The following SMC5 variants were observed in gnomAD, a reference collection of about 807,000 sequenced individuals.
SMC5 encodes the protein structural maintenance of chromosomes 5.
In SMC5, 88 loss-of-function variants were observed where a neutral mutation model predicts 148.3. The observed-to-expected ratio is 0.59, with a 90% CI of 0.50 to 0.71. The LOEUF (loss-of-function observed/expected upper bound fraction) is 0.71. Ranked by LOEUF, SMC5 falls within the 30% of genes least tolerant of loss-of-function variation. SMC5 has a pLI of 0.00. For synonymous variants in SMC5, 421 were observed against 432.8 expected, an observed-to-expected ratio of 0.97 and a Z score of 0.34; for missense variants, 1,142 against 1,298.9, an observed-to-expected ratio of 0.88 and a Z score of 1.86.
intron 17 of SMC5, among the ~76,000 whole-genome samples, chr9:70,334,060 A>C (rs2118736765): frequency 6.6e-6 from 1 of 152,176 alleles, no homozygotes; most frequent in Non-Finnish European, 1.5e-5. Context: ...GTATAAAAGT[A>C]GATATATATG....
At chr9:70,348,093 C>T in intron 22 of SMC5, 55 bp downstream of exon 22, 1 of 1,316,970 alleles carries the variant, frequency 7.6e-7, no homozygotes, top group Non-Finnish European at 1.0e-6. Context: ...TAATTATATG[C>T]TTAAAGTACA....
At chr9:70,286,564 C>G (rs1378807372) in intron 8 of SMC5, among the ~76,000 whole-genome samples, 2 of 152,016 alleles carry the variant, frequency 1.3e-5, no homozygotes, top group African/African-American at 4.8e-5. Flanking sequence ...AAACTAAGGT[C>G]TAAGGGATTT....
rs763432893 is a variant in SMC5, at chr9:70,323,535, G to A, written c.2203G>A (p.Ala735Thr). Reference protein sequence around the residue: ...TCNLEEEERKASTKIKEINVQ... With the variant: ...TCNLEEEERKTSTKIKEINVQ... ...CAATCTTGAAGAGGAAGAGCGAAAA[G>A]CAAGTACCAAAATCAAAGAAATAAA... is the stretch of plus-strand genomic sequence containing the variant. The change falls in exon 16 of 25, where the codon GCA becomes ACA. Residue 735 changes from alanine (A) to threonine (T), a missense_variant. Coordinates refer to ENST00000361138, the MANE Select transcript of SMC5 (RefSeq NM_015110.4). 2.5e-6 allele frequency: 4 copies of A among 1,612,352 alleles called. No individual in the cohort carries two copies. In the South Asian group the frequency reaches 4.4e-5, roughly 18 times the overall value.
chr9:70,347,750 T>C, intron 21 of SMC5, 33 bp downstream of exon 21: 1 of 1,348,358 alleles, frequency 7.4e-7, no homozygotes, highest in South Asian at 1.3e-5. Flanking sequence ...TTTTATCATG[T>C]GATTATTAAT....
chr9:70,346,636 C>G lies in SMC5; in HGVS notation c.2555C>G (p.Ser852Cys), dbSNP rs1452360647. 1 of 1,613,946 alleles carries G rather than the reference C, an allele frequency of 6.2e-7. No individual in the cohort carries two copies. The highest frequency in any genetic ancestry group is 8.5e-7 in the Non-Finnish European group (1 of 1,179,962). The change falls in exon 19 of 25, where the codon TCC becomes TGC. Residue 852 changes from serine to cysteine, a missense_variant. This residue lies in a region of SMC5 where 743 missense variants were observed against 835.7 expected (regional missense o/e 0.89). Coordinates refer to ENST00000361138, the MANE Select transcript of SMC5 (RefSeq NM_015110.4). ...CCCACCATTCCAAATGGACACAACT[C>G]CTCACTCCCCATGGTATGCAGTACT... is the stretch of plus-strand genomic sequence containing the variant. ...QVPTIPNGHN[S>C]SLPMVFQDLP...
chr9:70,315,564 G>T lies in SMC5; in HGVS notation c.1792G>T (p.Glu598Ter). 1 of 1,582,346 alleles carries T rather than the reference G, an allele frequency of 6.3e-7. No individual in the cohort carries two copies. The highest frequency in any genetic ancestry group is 1.2e-5 in the South Asian group (1 of 85,826). The change falls in exon 13 of 25, where the codon GAA becomes TAA. Residue 598 changes from glutamate (E) to a stop codon, truncating the protein, a stop_gained. Coordinates refer to ENST00000361138, the MANE Select transcript of SMC5 (RefSeq NM_015110.4). LOFTEE classifies it high-confidence loss of function. ...TCCTGTAGGAACTGAAAAGACCAGAGAAAGAATTGAACGGGTAGGAAAGTA... is the reference window on the plus strand; with the variant it reads ...TCCTGTAGGAACTGAAAAGACCAGATAAAGAATTGAACGGGTAGGAAAGTA... Reference protein sequence around the residue: ...EVPVGTEKTRERIERVIQETR... With the variant: ...EVPVGTEKTR
Position 70,350,552 on chromosome 9 carries a change from C to G in SMC5, c.3165+81C>G, listed in dbSNP as rs536768117. ...ATCATACAGTTTTTGTCCCAACATG[C>G]ACATATTAGCAGGAACACTCCCAAA... is the stretch of plus-strand genomic sequence containing the variant. On this transcript the variant is annotated intron_variant, in intron 24 of 24. Transcript: ENST00000361138. The G allele has an allele frequency of 7.0e-6, 6 of 859,094 alleles. No homozygotes were observed. The East Asian group carries it at 1.6e-4, about 23-fold the overall frequency. The allele number at this position is 859,094 out of a possible 1,614,324, so 53.2% of individuals were successfully genotyped here. A position where few individuals can be genotyped will look rare whatever the true frequency, so the allele number is the denominator to read the frequency against.
intron 15 of SMC5, among the ~76,000 whole-genome samples, chr9:70,323,068 G>A (rs1331466687): frequency 2.0e-5 from 3 of 151,964 alleles, no homozygotes; most frequent in African/African-American, 7.3e-5. Flanking sequence ...TTTTCTCTTC[G>A]AGGCAACATG....
At chr9:70,288,616 A>T (rs955133975) in intron 8 of SMC5, among the ~76,000 whole-genome samples, 1 of 151,946 alleles carries the variant, frequency 6.6e-6, no homozygotes, top group South Asian at 2.1e-4. Context: ...TTTGGGCATC[A>T]TTTGGCTACA....
chr9:70,352,519 TA>T lies in SMC5; in HGVS notation c.*190del, dbSNP rs1033387512. The T allele has an allele frequency of 3.7e-6, 2 of 537,218 alleles. No homozygotes were observed. Among genetic ancestry groups the T allele is most frequent in the African/African-American group, 3.8e-5 (2 of 52,938 alleles). 33.3% of individuals were successfully genotyped at this position (537,218 alleles called of 1,614,324 possible). A position where few individuals can be genotyped will look rare whatever the true frequency, so the allele number is the denominator to read the frequency against. On this transcript the variant is annotated 3_prime_UTR_variant, in exon 25 of 25. Transcript: ENST00000361138. The stretch of plus-strand genomic sequence containing the variant: ...CAAAATAGCAGCTGGTAGTAAAAGT[TA>T]AGTCTTCTTCAGTCTTGGTTGAACT...
intron 17 of SMC5, among the ~76,000 whole-genome samples, chr9:70,328,787 T>A (rs1267025811): frequency 6.6e-6 from 1 of 152,224 alleles, no homozygotes; most frequent in East Asian, 1.9e-4. Context: ...CATACTGCCC[T>A]AGTAGAGGTT....
Position 70,349,239 on chromosome 9 carries a change from G to T in SMC5, c.2890-875G>T, listed in dbSNP as rs556869354. On this transcript the variant is annotated intron_variant, in intron 22 of 24. Transcript: ENST00000361138. ...CTGCCACCATGCCCGGCTAATTTTT[G>T]TATTTTTAGTAGAGATGGGATTTCC... Among the ~76,000 whole-genome samples the T allele has an allele frequency of 3.9e-5, 6 of 152,076 alleles. No homozygotes were observed. The East Asian group carries it at 1.2e-3, about 29-fold the overall frequency.
At chr9:70,347,826 GACTGAT>G in intron 21 of SMC5, 87 bp from the exon 22 acceptor site, 1 of 1,314,642 alleles carries the variant, frequency 7.6e-7, no homozygotes, top group Admixed American at 2.4e-5. Flanking sequence ...GTTATGCCCA[GACTGAT>G]ACTGATATAA....
chr9:70,273,444 GT>G (rs982398912), intron 3 of SMC5, among the ~76,000 whole-genome samples: 2 of 151,534 alleles, frequency 1.3e-5, no homozygotes, highest in African/African-American at 4.8e-5. Context: ...AATTTTAGTA[GT>G]TTTTTTCAAT....
At chr9:70,305,214 T>G in intron 10 of SMC5, 33 bp from the exon 11 acceptor site, 2 of 995,092 alleles carry the variant, frequency 2.0e-6, no homozygotes, top group South Asian at 1.5e-5. Flanking sequence ...TTGGGTTTCA[T>G]GAAATTCGAC....
intron 17 of SMC5, among the ~76,000 whole-genome samples, chr9:70,334,493 T>C (rs2036307425): frequency 6.6e-6 from 1 of 152,168 alleles, no homozygotes; most frequent in Non-Finnish European, 1.5e-5. Context: ...ATATTTGCAG[T>C]ACACCTCAGA....
rs2036688003 is a variant in SMC5, at chr9:70,347,242, T to C, written c.2664+81T>C. 3.6e-6 allele frequency: 4 copies of C among 1,121,780 alleles called. No individual in the cohort carries two copies. The African/African-American group carries it at 6.2e-5, about 17-fold the overall frequency. The allele number at this position is 1,121,780 out of a possible 1,614,324, so 69.5% of individuals were successfully genotyped here. A position where few individuals can be genotyped will look rare whatever the true frequency, so the allele number is the denominator to read the frequency against. On this transcript the variant is annotated intron_variant, in intron 20 of 24. Coordinates refer to ENST00000361138, the MANE Select transcript of SMC5 (RefSeq NM_015110.4). ...ATACACACACATACACACACAGAGTTCCCTCCAGTACTTGCCTCCCACTCT... is the reference window on the plus strand; with the variant it reads ...ATACACACACATACACACACAGAGTCCCCTCCAGTACTTGCCTCCCACTCT...
intron 3 of SMC5, among the ~76,000 whole-genome samples, chr9:70,276,777 T>C (rs1432579109): frequency 6.6e-6 from 1 of 152,186 alleles, no homozygotes; most frequent in Non-Finnish European, 1.5e-5. Flanking sequence ...TGTTCCTTTA[T>C]ATCCATGTGA....
At chr9:70,286,381 A>C in intron 8 of SMC5, 110 bp downstream of exon 8, 1 of 667,668 alleles carries the variant, frequency 1.5e-6, no homozygotes, top group East Asian at 2.8e-5. Context: ...GATCCTCTGC[A>C]TTCTCTATTT....
Sources: gnomAD v4.1 joint callset for allele counts (sites outside exome capture counted in the v4.1 genomes callset) on GRCh38, gnomAD v4.1.1 for gene constraint, gnomAD v4.1.1 regional missense constraint, MANE v1.5 for transcripts, NCBI Gene and HGNC (gene_info 2026-07-23, HGNC 2026-07-21) for gene names.